The following TNIK variants were observed in gnomAD, a reference collection of about 807,000 sequenced individuals.
TNIK encodes TRAF2 and NCK interacting kinase, also known as TRAF2 and NCK-interacting protein kinase.
Under a neutral mutation model 191.3 loss-of-function variants are expected in TNIK, and 49 were observed. The observed-to-expected ratio is 0.26, with a 90% CI of 0.20 to 0.32. The LOEUF (loss-of-function observed/expected upper bound fraction) is 0.32. Among genes scored for constraint, TNIK ranks in the 10% least tolerant of loss-of-function variants. The pLI is 1.00. For missense variants in TNIK, 1,155 were observed against 1,702.3 expected, an observed-to-expected ratio of 0.68 and a Z score of 5.66; for synonymous variants, 594 against 600.9, an observed-to-expected ratio of 0.99 and a Z score of 0.17.
intron 1 of TNIK, among the ~76,000 whole-genome samples, chr3:171,392,969 T>G (rs1218609115): frequency 2.0e-5 from 3 of 151,884 alleles, no homozygotes; most frequent in African/African-American, 7.3e-5. Context: ...CTGTCACATT[T>G]TAAAATAAAA....
intron 2 of TNIK, among the ~76,000 whole-genome samples, chr3:171,240,089 C>T (rs920015388): frequency 6.6e-6 from 1 of 152,180 alleles, no homozygotes; most frequent in African/African-American, 2.4e-5. Flanking sequence ...TGTGACCTAT[C>T]AGGTAGCTTC....
At chr3:171,201,719 A>G (rs1195582640) in intron 4 of TNIK, among the ~76,000 whole-genome samples, 1 of 152,230 alleles carries the variant, frequency 6.6e-6, no homozygotes, top group African/African-American at 2.4e-5. Context: ...CATTTCAATC[A>G]ATTGAAGTAA....
intron 3 of TNIK, among the ~76,000 whole-genome samples, chr3:171,219,235 AT>A (rs1172452852): frequency 7.2e-6 from 1 of 139,836 alleles, no homozygotes; most frequent in Non-Finnish European, 1.5e-5. Context: ...TATTATTATA[AT>A]TATATGTAAT....
intron 30 of TNIK, among the ~76,000 whole-genome samples, chr3:171,067,046 C>T (rs962703245): frequency 2.6e-5 from 4 of 152,140 alleles, no homozygotes; most frequent in Non-Finnish European, 5.9e-5. Flanking sequence ...AGGTAGATAG[C>T]TTTGTTTACA....
chr3:171,114,190 C>G (rs944735225), intron 18 of TNIK, among the ~76,000 whole-genome samples: 1 of 152,160 alleles, frequency 6.6e-6, no homozygotes, highest in African/African-American at 2.4e-5. Flanking sequence ...AGAGAAACAT[C>G]TGATGTCAGC....
At chr3:171,188,649 G>A (rs576721895) in intron 7 of TNIK, 53 bp downstream of exon 7, 51 of 1,598,574 alleles carry the variant, frequency 3.2e-5, no homozygotes, top group Non-Finnish European at 4.0e-5. Context: ...GACTTTATAA[G>A]ACTCAGGATA....
intron 2 of TNIK, among the ~76,000 whole-genome samples, chr3:171,288,685 G>GT (rs1201993084): frequency 1.3e-5 from 2 of 151,986 alleles, no homozygotes; most frequent in Non-Finnish European, 2.9e-5. Flanking sequence ...GTGTGTGCCT[G>GT]TAGTCCCAGC....
chr3:171,181,744 AAGCTAGG>A (rs763025469), intron 7 of TNIK, among the ~76,000 whole-genome samples: 9 of 152,232 alleles, frequency 5.9e-5, no homozygotes, highest in Non-Finnish European at 8.8e-5. Flanking sequence ...CCAGCACAGA[AAGCTAGG>A]AGCTTCGGTT....
intron 4 of TNIK, among the ~76,000 whole-genome samples, chr3:171,196,017 CTTAA>C (rs1283561759): frequency 1.3e-5 from 2 of 152,096 alleles, no homozygotes; most frequent in Non-Finnish European, 2.9e-5. Flanking sequence ...TTTAAATGTG[CTTAA>C]TTAAATGCCT....
chr3:171,382,189 G>A (rs1560000836), intron 1 of TNIK, among the ~76,000 whole-genome samples: 1 of 150,338 alleles, frequency 6.7e-6, no homozygotes, highest in African/African-American at 2.4e-5. Flanking sequence ...TTTGGTAGAG[G>A]TGGCAGTCTC....
chr3:171,185,217 CTA>C (rs1737213645), intron 7 of TNIK, among the ~76,000 whole-genome samples: 1 of 115,216 alleles, frequency 8.7e-6, no homozygotes, highest in African/African-American at 3.3e-5. Context: ...GTGTGTGTGT[CTA>C]TGGGGTGGGA....
chr3:171,292,286 G>A (rs1188582517), intron 2 of TNIK, among the ~76,000 whole-genome samples: 1 of 152,174 alleles, frequency 6.6e-6, no homozygotes, highest in Non-Finnish European at 1.5e-5. Context: ...AGTAACTTTG[G>A]ATTGTATCCT....
intron 2 of TNIK, among the ~76,000 whole-genome samples, chr3:171,289,269 C>A (rs936120396): frequency 6.6e-6 from 1 of 152,152 alleles, no homozygotes; most frequent in Admixed American, 6.5e-5. Context: ...TTTGAAAGAA[C>A]CTGTAAAAAG....
intron 1 of TNIK, among the ~76,000 whole-genome samples, chr3:171,431,246 C>T (rs557809869): frequency 6.6e-6 from 1 of 151,936 alleles, no homozygotes; most frequent in Admixed American, 6.5e-5. Context: ...CATTTATCCC[C>T]CATATCAACA....
At chr3:171,219,281 TATA>T (rs1330093481) in intron 3 of TNIK, among the ~76,000 whole-genome samples, 4 of 143,974 alleles carry the variant, frequency 2.8e-5, no homozygotes, top group African/African-American at 7.6e-5. Context: ...ATATATTATA[TATA>T]ATGATATATA....
chr3:171,334,806 G>T (rs1455393004), intron 2 of TNIK, among the ~76,000 whole-genome samples: 11 of 151,938 alleles, frequency 7.2e-5, no homozygotes, highest in Admixed American at 6.6e-4. Flanking sequence ...GAAAAGCAGA[G>T]TATGAAAGGA....
chr3:171,361,325 C>T (rs1714935190), intron 2 of TNIK, among the ~76,000 whole-genome samples: 1 of 152,212 alleles, frequency 6.6e-6, no homozygotes. Flanking sequence ...AAATCCCACA[C>T]AGTCCCTGTA....
At chr3:171,280,652 A>T (rs999653209) in intron 2 of TNIK, among the ~76,000 whole-genome samples, 5 of 38,564 alleles carry the variant, frequency 1.3e-4, no homozygotes, top group African/African-American at 2.6e-4. Flanking sequence ...TCTCTAAATT[A>T]AAAAAAAAAA....
rs148999418 is a variant in TNIK at position 171,410,517 on chromosome 3, C to T, written c.58-40832G>A. ...TGCCTGGGCTGGGCGCATTGGCTCA[C>T]GCCTGTAATCCCAGCACTTTGGGAG... On this transcript the variant is annotated intron_variant, in intron 1 of 32. Transcript: ENST00000436636. Among the ~76,000 whole-genome samples the T allele has an allele frequency of 5.7e-3, 869 of 152,176 alleles. 9 individuals carry two copies. Among genetic ancestry groups the T allele is most frequent in the African/African-American group, 0.019 (807 of 41,502 alleles).
Sources: allele counts gnomAD v4.1 joint callset (sites outside exome capture counted in the v4.1 genomes callset), GRCh38; gene constraint gnomAD v4.1.1; transcripts MANE v1.5; gene names NCBI Gene and HGNC (gene_info 2026-07-23, HGNC 2026-07-21).